Variants in MLIP observed in about 807,000 individuals in gnomAD.
The protein encoded by MLIP is muscular LMNA-interacting protein.
A neutral mutation model predicts 84.8 loss-of-function variants in MLIP; 79 were observed. The ratio of observed to expected loss-of-function variants is 0.93; its 90% CI spans 0.78 to 1.12. MLIP has a LOEUF of 1.12. Ranked by LOEUF, MLIP falls within the 50% of genes most tolerant of loss-of-function variation. The probability of loss-of-function intolerance (pLI) is 0.00; values close to 1 mark genes in which losing one functional copy is unlikely to be tolerated. For synonymous variants in MLIP, 504 were observed against 463.0 expected, an observed-to-expected ratio of 1.09 and a Z score of -1.14; for missense variants, 1,257 against 1,160.6, an observed-to-expected ratio of 1.08 and a Z score of -1.21.
At chr6:54,247,613 G>A (rs932226196) in intron 12 of MLIP, among the ~76,000 whole-genome samples, 1 of 152,168 alleles carries the variant, frequency 6.6e-6, no homozygotes, top group African/African-American at 2.4e-5. Flanking sequence ...ACTTTGAAGT[G>A]TAGTTTGAAA....
At chr6:54,201,968 T>C (rs1354765591) in intron 10 of MLIP, 137 bp from the exon 11 acceptor site, 2 of 582,944 alleles carry the variant, frequency 3.4e-6, no homozygotes, top group African/African-American at 3.9e-5. Flanking sequence ...TTTTTATGCA[T>C]TTTTGAAATC....
At chr6:54,232,956 ACTCTT>A (rs1781107013) in intron 12 of MLIP, among the ~76,000 whole-genome samples, 1 of 152,022 alleles carries the variant, frequency 6.6e-6, no homozygotes, top group African/African-American at 2.4e-5. Context: ...TGCAGTGTGC[ACTCTT>A]CTCTTCTAAG....
At chr6:54,026,024 CA>C (rs1763782125) in intron 1 of MLIP, among the ~76,000 whole-genome samples, 1 of 152,016 alleles carries the variant, frequency 6.6e-6, no homozygotes, top group African/African-American at 2.4e-5. Flanking sequence ...TGGTAGAGAC[CA>C]AAATTTCATG....
At chr6:54,072,333 G>C (rs1766537025) in intron 1 of MLIP, among the ~76,000 whole-genome samples, 1 of 152,190 alleles carries the variant, frequency 6.6e-6, no homozygotes, top group Non-Finnish European at 1.5e-5. Context: ...AGAGGAGATA[G>C]ATTTGAGGAT....
At chr6:54,152,267 A>G (rs1412116042) in intron 5 of MLIP, among the ~76,000 whole-genome samples, 2 of 152,188 alleles carry the variant, frequency 1.3e-5, no homozygotes, top group African/African-American at 4.8e-5. Flanking sequence ...CATAGACTTT[A>G]TTACAATATG....
At chr6:54,238,477 T>C (rs926749702) in intron 12 of MLIP, among the ~76,000 whole-genome samples, 8 of 152,230 alleles carry the variant, frequency 5.3e-5, no homozygotes, top group African/African-American at 1.9e-4. Context: ...TTCTCCCTTT[T>C]ATTTAGCATA....
chr6:54,252,207 TATA>T (rs1315464961), intron 12 of MLIP, among the ~76,000 whole-genome samples: 2 of 109,048 alleles, frequency 1.8e-5, no homozygotes, highest in African/African-American at 4.0e-5. Flanking sequence ...TATTATAACA[TATA>T]ATATATAACT....
At chr6:54,231,262 C>G (rs1443450741) in intron 12 of MLIP, among the ~76,000 whole-genome samples, 4 of 152,028 alleles carry the variant, frequency 2.6e-5, no homozygotes, top group Non-Finnish European at 4.4e-5. Context: ...GTTCAGTGTT[C>G]CTAAAAAGCT....
At chr6:54,223,437 G>A (rs2145758) in intron 11 of MLIP, among the ~76,000 whole-genome samples, 105,726 of 151,896 alleles carry the variant, frequency 0.7, 39,063 homozygotes, top group Non-Finnish European at 0.81. Context: ...TATATTGTGT[G>A]AAATAAGGAT....
chr6:54,194,361 G>C (rs1778150896), intron 10 of MLIP, among the ~76,000 whole-genome samples: 2 of 152,096 alleles, frequency 1.3e-5, no homozygotes, highest in South Asian at 4.1e-4. Flanking sequence ...AAGTGCCACA[G>C]CATTTATCAG....
chr6:54,191,902 C>G (rs62397386), intron 10 of MLIP, among the ~76,000 whole-genome samples: 10,403 of 151,310 alleles, frequency 0.069, 504 homozygotes, highest in South Asian at 0.11. Flanking sequence ...AGGTGTTGGA[C>G]TATATATACA....
chr6:54,172,727 T>G (rs1037153034), intron 9 of MLIP, among the ~76,000 whole-genome samples: 1 of 150,348 alleles, frequency 6.7e-6, no homozygotes, highest in African/African-American at 2.4e-5. Flanking sequence ...AAGAAAAAAA[T>G]AAACAAAGAA....
intron 13 of MLIP, among the ~76,000 whole-genome samples, chr6:54,265,384 A>C (rs985587263): frequency 6.6e-6 from 1 of 152,136 alleles, no homozygotes; most frequent in Non-Finnish European, 1.5e-5. Context: ...ATGGGTAAAG[A>C]AATTATTGGA....
At chr6:54,189,962 A>G (rs1777756382) in intron 10 of MLIP, 48 bp downstream of exon 10, 4 of 1,334,662 alleles carry the variant, frequency 3.0e-6, no homozygotes, top group Non-Finnish European at 1.1e-6. Context: ...TGATCTCTCA[A>G]GAGAGCTTTA....
intron 11 of MLIP, among the ~76,000 whole-genome samples, chr6:54,224,194 C>G (rs1780417497): frequency 1.3e-5 from 2 of 151,748 alleles, no homozygotes; most frequent in South Asian, 4.2e-4. Flanking sequence ...TGCAAAATAG[C>G]AAACTGTTAG....
chr6:54,169,281 C>T (rs1417043143), intron 8 of MLIP, among the ~76,000 whole-genome samples: 1 of 151,596 alleles, frequency 6.6e-6, no homozygotes, highest in African/African-American at 2.4e-5. Flanking sequence ...GAGGAAAGAA[C>T]TATTATGATC....
intron 13 of MLIP, among the ~76,000 whole-genome samples, chr6:54,258,787 G>T (rs144237638): frequency 6.6e-6 from 1 of 151,976 alleles, no homozygotes; most frequent in African/African-American, 2.4e-5. Context: ...AAAGCTGCAG[G>T]AACTTAATCT....
At chr6:54,171,166 A>G (rs1322157401) in intron 9 of MLIP, among the ~76,000 whole-genome samples, 4 of 151,558 alleles carry the variant, frequency 2.6e-5, no homozygotes, top group East Asian at 1.9e-4. Flanking sequence ...TTCAATCTCC[A>G]TAGTTAGAAA....
At position 54,145,975 on chromosome 6, in the gene MLIP, T is replaced by C. The variant is rs563769483; in HGVS notation, c.2218-3081T>C. Reference sequence around the variant, plus strand: ...AAAAATGACACACCTAACAAAATGTTTCATGAAATAATCTAAAATTTCTTG... The same window carrying C: ...AAAAATGACACACCTAACAAAATGTCTCATGAAATAATCTAAAATTTCTTG... On this transcript the variant is annotated intron_variant, in intron 4 of 13. Transcript: ENST00000502396. Among the ~76,000 whole-genome samples, 77 of 152,260 alleles carry C rather than the reference T, an allele frequency of 5.1e-4. No individual in the cohort carries two copies. In the Middle Eastern group the frequency reaches 0.01, roughly 20 times the overall value.
Sources: gnomAD v4.1 joint callset for allele counts (sites outside exome capture counted in the v4.1 genomes callset) on GRCh38, gnomAD v4.1.1 for gene constraint, MANE v1.5 for transcripts, NCBI Gene and HGNC (gene_info 2026-07-23, HGNC 2026-07-21) for gene names.